UCP1: variants seen among roughly 807,000 people sequenced by gnomAD.
UCP1 encodes uncoupling protein 1, also known as mitochondrial brown fat uncoupling protein 1.
Under a neutral mutation model 26.2 loss-of-function variants are expected in UCP1, and 24 were observed. That is an observed-to-expected ratio of 0.92 (90% CI 0.66 to 1.29). The LOEUF is 1.29. Ranked by LOEUF, UCP1 falls within the 50% of genes most tolerant of loss-of-function variation. The probability of loss-of-function intolerance (pLI) is 0.00; values close to 1 mark genes in which losing one functional copy is unlikely to be tolerated. For missense variants in UCP1, 402 were observed against 388.7 expected (o/e 1.03, Z -0.29); for synonymous variants, 164 against 156.8 (o/e 1.05, Z -0.34).
At chr4:140,563,561 A>AC in intron 2 of UCP1, 43 bp from the exon 3 acceptor site, 1 of 1,543,182 alleles carries the variant, frequency 6.5e-7, no homozygotes, top group Non-Finnish European at 8.9e-7. Context: ...AAAATTAAAG[A>AC]CCTAGAATGC....
intron 4 of UCP1, among the ~76,000 whole-genome samples, chr4:140,562,823 A>G (rs994005258): frequency 6.6e-6 from 1 of 152,216 alleles, no homozygotes; most frequent in Non-Finnish European, 1.5e-5. Context: ...TGTATAAAGA[A>G]TAAGATTCTA....
intron 2 of UCP1, among the ~76,000 whole-genome samples, chr4:140,565,018 A>G (rs1035998837): frequency 1.3e-5 from 2 of 152,196 alleles, no homozygotes; most frequent in Non-Finnish European, 2.9e-5. Flanking sequence ...GTTATGTACA[A>G]TGATCACTTT....
chr4:140,565,282 C>T (rs1216866946), intron 2 of UCP1, among the ~76,000 whole-genome samples: 1 of 152,068 alleles, frequency 6.6e-6, no homozygotes, highest in Non-Finnish European at 1.5e-5. Context: ...TCTACCTGTC[C>T]CTTATGCCTT....
At chr4:140,566,449 G>A (rs1735800000) in intron 2 of UCP1, among the ~76,000 whole-genome samples, 1 of 152,164 alleles carries the variant, frequency 6.6e-6, no homozygotes, top group African/African-American at 2.4e-5. Flanking sequence ...GTCAATCTGT[G>A]AAGAAAACCA....
Position 140,568,870 on chromosome 4 carries a change from G to T in UCP1, c.-141C>A. ...TTTGAACCGACCGCCGGGCAGCGGCGGTGCAGAGGCGGCGGCTGCAGACGG... is the reference window on the plus strand; with the variant it reads ...TTTGAACCGACCGCCGGGCAGCGGCTGTGCAGAGGCGGCGGCTGCAGACGG... On this transcript the variant is annotated 5_prime_UTR_variant, in exon 1 of 6. Coordinates refer to ENST00000262999, the MANE Select transcript of UCP1 (RefSeq NM_021833.5). 7.4e-7 allele frequency: 1 copy of T among 1,352,570 alleles called. No homozygotes were observed. Among genetic ancestry groups the T allele is most frequent in the Non-Finnish European group, 1.0e-6 (1 of 997,262 alleles). 83.8% of individuals were successfully genotyped at this position (1,352,570 alleles called of 1,614,324 possible). A position where few individuals can be genotyped will look rare whatever the true frequency, so the allele number is the denominator to read the frequency against.
rs1050457977 is a variant in UCP1, at chr4:140,559,983, T to C, written c.837A>G (p.Gly279=). 3 of 1,613,762 alleles carry C rather than the reference T, an allele frequency of 1.9e-6. No individual in the cohort carries two copies. Among genetic ancestry groups the C allele is most frequent in the African/African-American group, 1.3e-5 (1 of 74,852 alleles). ...ACACAAACATAATGACGTTCCAGGA[T>C]CCAAGTCGCAAGAAGGAAGGTACCA... ...KGLVPSFLRL[G]SWNVIMFVCF... Residue 279 remains glycine, a synonymous_variant, in exon 6 of 6, where the codon GGA becomes GGG. Transcript: ENST00000262999.
intron 4 of UCP1, 127 bp from the exon 5 acceptor site, chr4:140,562,500 T>C: frequency 1.0e-6 from 1 of 990,830 alleles, no homozygotes; most frequent in Non-Finnish European, 1.5e-6. Context: ...ATAAATAAAA[T>C]AAAATAAGAA....
Position 140,563,094 on chromosome 4 carries a change from T to A in UCP1, c.628+16A>T. 1 of 1,602,484 alleles carries A rather than the reference T, an allele frequency of 6.2e-7. No homozygotes were observed. The highest frequency in any genetic ancestry group is 8.5e-7 in the Non-Finnish European group (1 of 1,169,808). ...TAAAGGTGCAGACCTGTTTGTTATA[T>A]GAAATGGGAAGTTACCTGCTAATAT... On this transcript the variant is annotated intron_variant, in intron 4 of 5. Transcript: ENST00000262999.
In UCP1 at chr4:140,563,487, AGCTAAAATCTT is replaced by A; in HGVS notation, c.346_356del (p.Lys116TrpfsTer40). 1.9e-6 allele frequency: 3 copies of A among 1,614,176 alleles called. No homozygotes were observed. The highest frequency in any genetic ancestry group is 2.5e-6 in the Non-Finnish European group (3 of 1,180,028). ...CTGCCACTCCTCCAGTCGTTAGACC[AGCTAAAATCTT>A]GCTTCCTAAACTAGGTGCTGCTATC... On this transcript the variant is annotated frameshift_variant, in exon 3 of 6. Coordinates refer to ENST00000262999, the MANE Select transcript of UCP1 (RefSeq NM_021833.5). LOFTEE classifies it high-confidence loss of function.
Position 140,567,958 on chromosome 4 carries a change from G to T in UCP1, c.146C>A (p.Thr49Lys), listed in dbSNP as rs767392161. Reference protein sequence around the residue: ...VRLQVQGECPTSSVIRYKGVL... With the variant: ...VRLQVQGECPKSSVIRYKGVL... ...ACCTTTATACCTAATAACACTGGACGTCGGGCATTCACCTTGGACCTGGAA... is the reference window on the plus strand; with the variant it reads ...ACCTTTATACCTAATAACACTGGACTTCGGGCATTCACCTTGGACCTGGAA... The change falls in exon 2 of 6, where the codon ACG (threonine) becomes AAG (lysine). Residue 49 changes from threonine to lysine, a missense_variant. By Grantham distance (78) the Thr-to-Lys change is moderately conservative. Coordinates refer to ENST00000262999, the MANE Select transcript of UCP1 (RefSeq NM_021833.5). 46 of 1,614,074 alleles carry T rather than the reference G, an allele frequency of 2.8e-5. No homozygotes were observed. The highest frequency in any genetic ancestry group is 1.3e-5 in the African/African-American group (1 of 74,916).
intron 2 of UCP1, among the ~76,000 whole-genome samples, chr4:140,567,094 TA>T (rs911716851): frequency 7.9e-5 from 12 of 152,218 alleles, no homozygotes; most frequent in African/African-American, 2.9e-4. Flanking sequence ...GGTTCATAGT[TA>T]AGCCCTCAAA....
chr4:140,564,886 C>T (rs577642090), intron 2 of UCP1, among the ~76,000 whole-genome samples: 71 of 152,174 alleles, frequency 4.7e-4, no homozygotes, highest in Admixed American at 3.6e-3. Flanking sequence ...AATTTATTTA[C>T]AAAACATATT....
At chr4:140,563,562 C>T in intron 2 of UCP1, 44 bp from the exon 3 acceptor site, 1 of 1,555,872 alleles carries the variant, frequency 6.4e-7, no homozygotes, top group Non-Finnish European at 8.8e-7. Flanking sequence ...AAATTAAAGA[C>T]CTAGAATGCA....
In UCP1 at chr4:140,568,797, C is replaced by T. The variant is rs1578792600; in HGVS notation, c.-68G>A. The stretch of plus-strand genomic sequence containing the variant: ...CCCGAAGGTGGAGGAAGTTCCTTTC[C>T]CTTGCTCTTCACGCCTGTCCGCCGG... On this transcript the variant is annotated 5_prime_UTR_variant, in exon 1 of 6. Transcript: ENST00000262999. 2 of 1,538,476 alleles carry T rather than the reference C, an allele frequency of 1.3e-6. No individual in the cohort carries two copies. The highest frequency in any genetic ancestry group is 8.7e-7 in the Non-Finnish European group (1 of 1,147,200).
Position 140,559,894 on chromosome 4 carries a change from G to C in UCP1, c.*2C>G, listed in dbSNP as rs142885075. The C allele has an allele frequency of 2.7e-5, 43 of 1,610,692 alleles. No homozygotes were observed. The Admixed American group carries it at 6.0e-4, about 22-fold the overall frequency. On this transcript the variant is annotated 3_prime_UTR_variant, in exon 6 of 6. Coordinates refer to ENST00000262999, the MANE Select transcript of UCP1 (RefSeq NM_021833.5). ...TATGTTACATCATTTTCTTGAAGCT[G>C]ATTATGTGGCACAGTCCATAGTCTG...
intron 1 of UCP1, 136 bp downstream of exon 1, chr4:140,568,468 C>CA: frequency 6.9e-7 from 1 of 1,448,136 alleles, no homozygotes; most frequent in South Asian, 1.2e-5. Context: ...AGCCCTGGGA[C>CA]AAGGCCAGAC....
intron 2 of UCP1, among the ~76,000 whole-genome samples, chr4:140,566,579 G>C (rs1735803825): frequency 6.6e-6 from 1 of 152,060 alleles, no homozygotes; most frequent in African/African-American, 2.4e-5. Flanking sequence ...TACTTGTGTG[G>C]ATAAGTATAA....
intron 2 of UCP1, 58 bp from the exon 3 acceptor site, chr4:140,563,576 A>G (rs1735736265): frequency 1.4e-6 from 2 of 1,463,398 alleles, no homozygotes; most frequent in South Asian, 2.5e-5. Flanking sequence ...GAATGCATGC[A>G]TGTCTTTTTA....
At chr4:140,564,773 A>G (rs569650793) in intron 2 of UCP1, among the ~76,000 whole-genome samples, 1 of 152,302 alleles carries the variant, frequency 6.6e-6, no homozygotes, top group African/African-American at 2.4e-5. Context: ...AACGTAGTGT[A>G]TCTTGATGTA....
Sources: allele counts gnomAD v4.1 joint callset (sites outside exome capture counted in the v4.1 genomes callset), GRCh38; gene constraint gnomAD v4.1.1; transcripts MANE v1.5; gene names NCBI Gene and HGNC (gene_info 2026-07-23, HGNC 2026-07-21).